The following LNX2 variants were observed in gnomAD, a reference collection of about 807,000 sequenced individuals.
LNX2 encodes the protein ligand of numb-protein X 2.
Under a neutral mutation model 66.2 loss-of-function variants are expected in LNX2, and 35 were observed. The observed-to-expected ratio is 0.53, with a 90% CI of 0.40 to 0.70. The LOEUF (loss-of-function observed/expected upper bound fraction) is 0.70. Among genes scored for constraint, LNX2 ranks in the 30% least tolerant of loss-of-function variants. LNX2 has a pLI of 0.00. For missense variants in LNX2, 791 were observed against 850.8 expected, an observed-to-expected ratio of 0.93 and a Z score of 0.87; for synonymous variants, 337 against 315.6, an observed-to-expected ratio of 1.07 and a Z score of -0.72.
At chr13:27,617,502 G>T (rs1315953009) in intron 1 of LNX2, among the ~76,000 whole-genome samples, 2 of 152,186 alleles carry the variant, frequency 1.3e-5, no homozygotes, top group African/African-American at 2.4e-5. Flanking sequence ...AAGAAGAGGG[G>T]AAGAAGGCCA....
rs1955057655 is a variant in LNX2 at position 27,556,173 on chromosome 13, T to C, written c.1546+63A>G. ...AGATACTTTGTAGATATTCTTTATT[T>C]TTTTAAATGTGCATTTAATTCAGAA... On this transcript the variant is annotated intron_variant, in intron 7 of 9. Coordinates refer to ENST00000316334, the MANE Select transcript of LNX2 (RefSeq NM_153371.4). The C allele has an allele frequency of 2.0e-6, 3 of 1,468,842 alleles. No homozygotes were observed. In the East Asian group the frequency reaches 7.0e-5, roughly 34 times the overall value. 91.0% of individuals were successfully genotyped at this position (1,468,842 alleles called of 1,614,324 possible).
intron 2 of LNX2, 39 bp from the exon 3 acceptor site, chr13:27,569,315 A>AAAAG (rs1955248490): frequency 6.3e-7 from 1 of 1,586,342 alleles, no homozygotes; most frequent in Admixed American, 1.9e-5. Flanking sequence ...GATGATTTTG[A>AAAAG]AAACAAACAA....
chr13:27,561,867 T>C (rs1236803624), intron 5 of LNX2, among the ~76,000 whole-genome samples: 4 of 152,260 alleles, frequency 2.6e-5, no homozygotes, highest in Non-Finnish European at 5.9e-5. Flanking sequence ...ATGAAAAACA[T>C]GTTCTTTCTC....
chr13:27,556,436 C>T, intron 6 of LNX2, 23 bp from the exon 7 acceptor site: 1 of 1,597,084 alleles, frequency 6.3e-7, no homozygotes, highest in East Asian at 2.2e-5. Flanking sequence ...AGAAAAAAAT[C>T]ATTGGATAAT....
chr13:27,616,020 C>A (rs1955821802), intron 1 of LNX2, among the ~76,000 whole-genome samples: 1 of 152,156 alleles, frequency 6.6e-6, no homozygotes, highest in Admixed American at 6.5e-5. Flanking sequence ...GCCCATGACA[C>A]AGCCTTCAGG....
In LNX2 at chr13:27,546,847, T is replaced by C. The variant is rs1457195892; in HGVS notation, c.*1488A>G. On this transcript the variant is annotated 3_prime_UTR_variant, in exon 10 of 10. Coordinates refer to ENST00000316334, the MANE Select transcript of LNX2 (RefSeq NM_153371.4). ...AGATATTTTTATCTTATTCACTTATTTATGTGTTCAGAGGATAAGTATGTT... is the reference window on the plus strand; with the variant it reads ...AGATATTTTTATCTTATTCACTTATCTATGTGTTCAGAGGATAAGTATGTT... The C allele has an allele frequency of 6.6e-6, 1 of 152,170 alleles. No individual in the cohort carries two copies. The highest frequency in any genetic ancestry group is 1.9e-4 in the East Asian group (1 of 5,206). The allele number at this position is 152,170 out of a possible 1,614,324, so 9.4% of individuals were successfully genotyped here. A position where few individuals can be genotyped will look rare whatever the true frequency, so the allele number is the denominator to read the frequency against.
At chr13:27,586,367 G>A (rs1274458418) in intron 1 of LNX2, among the ~76,000 whole-genome samples, 1 of 152,136 alleles carries the variant, frequency 6.6e-6, no homozygotes. Context: ...GAAGGAGAAA[G>A]GCATCCTGAC....
At chr13:27,574,575 T>C (rs1955322914) in intron 2 of LNX2, among the ~76,000 whole-genome samples, 2 of 150,022 alleles carry the variant, frequency 1.3e-5, no homozygotes, top group African/African-American at 4.9e-5. Flanking sequence ...TGGGACACCA[T>C]TAAGAGAATA....
intron 1 of LNX2, among the ~76,000 whole-genome samples, chr13:27,594,314 T>C (rs182860772): frequency 2.3e-4 from 35 of 152,276 alleles, no homozygotes; most frequent in Middle Eastern, 3.4e-3. Context: ...TTCTTATCAA[T>C]TGATTTGAAC....
At chr13:27,570,746 A>G (rs1345224597) in intron 2 of LNX2, among the ~76,000 whole-genome samples, 1 of 152,214 alleles carries the variant, frequency 6.6e-6, no homozygotes, top group Non-Finnish European at 1.5e-5. Context: ...AAAGACAGGT[A>G]AAGATTTAAT....
Position 27,562,508 on chromosome 13 carries a change from G to T in LNX2, c.1129C>A (p.Gln377Lys), listed in dbSNP as rs1330140800. Reference sequence around the variant, plus strand: ...TCATTGCTGCTTAGCCTGCCGTCCTGGGCAGCCAACCCCCCTTCCAACAGG... The same window carrying T: ...TCATTGCTGCTTAGCCTGCCGTCCTTGGCAGCCAACCCCCCTTCCAACAGG... ...LDLLEGGLAA[Q>K]DGRLSSNDRV... Residue 377 changes from glutamine to lysine, a missense_variant, in exon 5 of 10, where the codon CAG becomes AAG. Physicochemically the swap from Gln to Lys is moderately conservative, Grantham distance 53 (BLOSUM62 1). Transcript: ENST00000316334. The T allele has an allele frequency of 1.3e-5, 21 of 1,614,026 alleles. No individual in the cohort carries two copies. Among genetic ancestry groups the T allele is most frequent in the Non-Finnish European group, 1.8e-5 (21 of 1,180,032 alleles).
intron 1 of LNX2, among the ~76,000 whole-genome samples, chr13:27,583,212 G>GTCCTCTCCAATATAACTT (rs1555268473): frequency 0.044 from 1,015 of 22,842 alleles, 170 homozygotes; most frequent in African/African-American, 0.1. Flanking sequence ...GTGTGTGTGT[G>GTCCTCTCCAATATAACTT]TGTGTGTGTG....
chr13:27,561,588 T>C (rs1955136467), intron 5 of LNX2, among the ~76,000 whole-genome samples: 1 of 152,234 alleles, frequency 6.6e-6, no homozygotes, highest in African/African-American at 2.4e-5. Flanking sequence ...GACTTGAATT[T>C]TCTTATAGTC....
intron 8 of LNX2, 141 bp from the exon 9 acceptor site, chr13:27,550,632 C>G: frequency 1.5e-6 from 1 of 651,062 alleles, no homozygotes; most frequent in Non-Finnish European, 2.6e-6. Context: ...ATTATTTTGA[C>G]AATCCATCTT....
At chr13:27,596,616 G>A (rs181189850) in intron 1 of LNX2, among the ~76,000 whole-genome samples, 24 of 151,718 alleles carry the variant, frequency 1.6e-4, no homozygotes, top group Admixed American at 4.6e-4. Context: ...CCCTTCCTCC[G>A]TTTCAATATT....
At chr13:27,616,313 G>T (rs1198775996) in intron 1 of LNX2, among the ~76,000 whole-genome samples, 2 of 152,196 alleles carry the variant, frequency 1.3e-5, no homozygotes, top group African/African-American at 4.8e-5. Flanking sequence ...TAAGACAAAG[G>T]ATTGTGGAGA....
intron 7 of LNX2, among the ~76,000 whole-genome samples, chr13:27,555,532 G>A (rs1955049562): frequency 1.3e-5 from 2 of 152,104 alleles, no homozygotes; most frequent in Non-Finnish European, 2.9e-5. Flanking sequence ...TTTGCTTTTA[G>A]TGTCATATCT....
At chr13:27,559,749 G>T (rs1955106324) in intron 6 of LNX2, 93 bp downstream of exon 6, 19 of 1,266,688 alleles carry the variant, frequency 1.5e-5, no homozygotes, top group Non-Finnish European at 1.9e-5. Context: ...TTATTGAGGT[G>T]TGACTGACAC....
intron 1 of LNX2, among the ~76,000 whole-genome samples, chr13:27,583,212 G>GCGCGCGCGTGTCCTCTCCAATATAACTT (rs1461533984): frequency 0.055 from 1,256 of 22,804 alleles, 235 homozygotes; most frequent in East Asian, 0.15. Flanking sequence ...GTGTGTGTGT[G>GCGCGCGCGTGTCCTCTCCAATATAACTT]TGTGTGTGTG....
Sources: allele counts gnomAD v4.1 joint callset (sites outside exome capture counted in the v4.1 genomes callset), GRCh38; gene constraint gnomAD v4.1.1; transcripts MANE v1.5; gene names NCBI Gene and HGNC (gene_info 2026-07-23, HGNC 2026-07-21).